The following TENM3 variants were observed in gnomAD, a reference collection of about 807,000 sequenced individuals.
The protein encoded by TENM3 is teneurin transmembrane protein 3, also known as teneurin-3.
TENM3 carries 63 observed loss-of-function variants against 255.1 expected under a neutral mutation model. The ratio of observed to expected loss-of-function variants is 0.25; its 90% CI spans 0.20 to 0.30. TENM3 has a LOEUF of 0.30. Ranked by LOEUF, TENM3 falls within the 10% of genes least tolerant of loss-of-function variation. The pLI, the probability that TENM3 is intolerant of heterozygous loss-of-function variation, is 1.00. For missense variants in TENM3, 2,929 were observed against 3,461.1 expected (o/e 0.85, Z 3.86); for synonymous variants, 1,306 against 1,322.3 (o/e 0.99, Z 0.27).
the TENM3 span, among the ~76,000 whole-genome samples, chr4:181,626,741 G>C: frequency 6.6e-6 from 1 of 152,274 alleles, no homozygotes; most frequent in East Asian, 1.9e-4. Flanking sequence ...ATTTCAACAT[G>C]GGATTTGAAG....
chr4:181,612,091 C>T, the TENM3 span, among the ~76,000 whole-genome samples: 11 of 152,242 alleles, frequency 7.2e-5, no homozygotes, highest in South Asian at 4.2e-4. Context: ...TCCTTTGCTC[C>T]GTTCCTGCTG....
chr4:182,622,223 G>C (rs910011544), intron 4 of TENM3, among the ~76,000 whole-genome samples: 4 of 151,834 alleles, frequency 2.6e-5, no homozygotes, highest in African/African-American at 9.7e-5. Context: ...ACCTGGCATG[G>C]TGGCACATGC....
At chr4:181,927,067 A>G in the TENM3 span, among the ~76,000 whole-genome samples, 263 of 152,266 alleles carry the variant, frequency 1.7e-3, no homozygotes, top group African/African-American at 5.9e-3. Context: ...CCTGGGTTTC[A>G]ATCACAAAAC....
At chr4:182,390,648 C>T (rs903271945) in intron 3 of TENM3, among the ~76,000 whole-genome samples, 1 of 152,184 alleles carries the variant, frequency 6.6e-6, no homozygotes, top group Admixed American at 6.5e-5. Context: ...CTGACACTCT[C>T]CTACCGCAGT....
In TENM3 at chr4:182,596,190, T is replaced by C. The variant is rs992112583; in HGVS notation, c.512-4734T>C. Among the ~76,000 whole-genome samples the C allele has an allele frequency of 6.4e-4, 98 of 152,286 alleles. 1 individual carries two copies. Among genetic ancestry groups the C allele is most frequent in the Admixed American group, 6.3e-3 (96 of 15,292 alleles). On this transcript the variant is annotated intron_variant, in intron 3 of 27. Transcript: ENST00000511685. ...GGATCTAAGAGTTAAGTTGGGGAAA[T>C]ACAACATATTTGCAAATTACCTTAT...
intron 22 of TENM3, among the ~76,000 whole-genome samples, chr4:182,756,447 C>T (rs777893037): frequency 1.8e-4 from 28 of 152,144 alleles, no homozygotes; most frequent in Non-Finnish European, 3.1e-4. Context: ...TTCTCAATTG[C>T]TTGTTCACTT....
At chr4:182,794,479 C>T (rs1314024601) in intron 26 of TENM3, among the ~76,000 whole-genome samples, 1 of 152,204 alleles carries the variant, frequency 6.6e-6, no homozygotes, top group Non-Finnish European at 1.5e-5. Context: ...TCCTGCCTCA[C>T]CACCATTGCC....
Position 182,467,234 on chromosome 4 carries a change from T to C in TENM3, c.511+120305T>C, listed in dbSNP as rs185575140. On this transcript the variant is annotated intron_variant, in intron 3 of 27. Transcript: ENST00000511685. ...TTAGTTATAATAAACTTTATGTGAG[T>C]ATGGTCTGTTGCCTCAATTTCTCTT... Among the ~76,000 whole-genome samples the C allele has an allele frequency of 5.8e-3, 884 of 152,282 alleles. 8 individuals are homozygous for C. Among genetic ancestry groups the C allele is most frequent in the Middle Eastern group, 0.01 (3 of 294 alleles).
chr4:181,806,710 G>T, the TENM3 span, among the ~76,000 whole-genome samples: 3 of 152,200 alleles, frequency 2.0e-5, no homozygotes, highest in Non-Finnish European at 4.4e-5. Context: ...CTGGCCTCTA[G>T]AACTGTAAGA....
At chr4:182,101,144 A>AAGGG in the TENM3 span, among the ~76,000 whole-genome samples, 1 of 44,710 alleles carries the variant, frequency 2.2e-5, no homozygotes, top group South Asian at 9.7e-4. Flanking sequence ...GGAAGGAAAG[A>AAGGG]AGGGAGGGAG....
At chr4:181,588,686 G>C in the TENM3 span, among the ~76,000 whole-genome samples, 2 of 152,196 alleles carry the variant, frequency 1.3e-5, no homozygotes, top group Admixed American at 6.5e-5. Context: ...ATAGAGAAGA[G>C]AGGGAGTAAA....
chr4:181,966,809 C>T, the TENM3 span, among the ~76,000 whole-genome samples: 1 of 152,200 alleles, frequency 6.6e-6, no homozygotes, highest in African/African-American at 2.4e-5. Context: ...TGCCGCTAGA[C>T]ACAAAAGTGA....
chr4:181,506,721 G>A, the TENM3 span, among the ~76,000 whole-genome samples: 12 of 151,784 alleles, frequency 7.9e-5, no homozygotes, highest in Middle Eastern at 3.4e-3. Context: ...ATCTTACACC[G>A]TGGTTCCAAA....
At chr4:181,739,096 C>T in the TENM3 span, among the ~76,000 whole-genome samples, 1 of 152,190 alleles carries the variant, frequency 6.6e-6, no homozygotes, top group Non-Finnish European at 1.5e-5. Context: ...TTGCCCACTG[C>T]ATATTCAGTC....
chr4:182,218,036 A>G (rs1263118200), intron 1 of TENM3, among the ~76,000 whole-genome samples: 1 of 152,210 alleles, frequency 6.6e-6, no homozygotes, highest in Non-Finnish European at 1.5e-5. Flanking sequence ...AACACTTTCT[A>G]TATGTTAGGC....
intron 3 of TENM3, among the ~76,000 whole-genome samples, chr4:182,395,642 C>T (rs1340209527): frequency 6.6e-6 from 1 of 151,752 alleles, no homozygotes; most frequent in Non-Finnish European, 1.5e-5. Flanking sequence ...GTCAAGAGAC[C>T]CGGAGTCTTG....
rs552012015 is a variant in TENM3 at position 182,496,282 on chromosome 4, A to G, written c.512-104642A>G. 2.0e-4 allele frequency among the ~76,000 whole-genome samples: 31 copies of G among 152,204 alleles called. No homozygotes were observed. In the South Asian group the frequency reaches 6.2e-3, roughly 31 times the overall value. ...TTGCCCTTTTAAACAGAGCTAATTTATTTAGGGAGTAGGAATGTTATTTTC... is the reference window on the plus strand; with the variant it reads ...TTGCCCTTTTAAACAGAGCTAATTTGTTTAGGGAGTAGGAATGTTATTTTC... On this transcript the variant is annotated intron_variant, in intron 3 of 27. Transcript: ENST00000511685.
At chr4:182,439,499 G>C (rs1478499751) in intron 3 of TENM3, among the ~76,000 whole-genome samples, 2 of 152,216 alleles carry the variant, frequency 1.3e-5, no homozygotes, top group Admixed American at 6.5e-5. Flanking sequence ...GGGATGTCCT[G>C]TGACGATTAA....
intron 13 of TENM3, among the ~76,000 whole-genome samples, chr4:182,719,266 T>C (rs1759475957): frequency 7.6e-6 from 1 of 132,236 alleles, no homozygotes; most frequent in Admixed American, 7.6e-5. Flanking sequence ...TTTTTTTTTT[T>C]TTTTTTTTTT....
Sources: gnomAD v4.1 joint callset for allele counts (sites outside exome capture counted in the v4.1 genomes callset) on GRCh38, gnomAD v4.1.1 for gene constraint, MANE v1.5 for transcripts, NCBI Gene and HGNC (gene_info 2026-07-23, HGNC 2026-07-21) for gene names.